GRIA4: variants seen among roughly 807,000 people sequenced by gnomAD.
GRIA4 encodes glutamate receptor 4.
Under a neutral mutation model 104.0 loss-of-function variants are expected in GRIA4, and 34 were observed. The ratio of observed to expected loss-of-function variants is 0.33; its 90% CI spans 0.25 to 0.44. The LOEUF (loss-of-function observed/expected upper bound fraction) is 0.44, where lower values mean the gene tolerates loss of function less well. Among genes scored for constraint, GRIA4 ranks in the 20% least tolerant of loss-of-function variants. The pLI, the probability that GRIA4 is intolerant of heterozygous loss-of-function variation, is 1.00. For missense variants in GRIA4, 750 were observed against 1,096.5 expected, an observed-to-expected ratio of 0.68 and a Z score of 4.46; for synonymous variants, 386 against 381.9, an observed-to-expected ratio of 1.01 and a Z score of -0.13.
intron 3 of GRIA4, among the ~76,000 whole-genome samples, chr11:105,750,119 C>A (rs938560105): frequency 2.6e-5 from 4 of 152,002 alleles, no homozygotes; most frequent in Admixed American, 6.6e-5. Flanking sequence ...AAGATTCAGC[C>A]AAGCAAAATT....
chr11:105,643,201 A>G (rs1247991026), intron 3 of GRIA4, among the ~76,000 whole-genome samples: 1 of 152,098 alleles, frequency 6.6e-6, no homozygotes, highest in East Asian at 1.9e-4. Flanking sequence ...ACCAAATCAA[A>G]CATCTCATAT....
intron 4 of GRIA4, among the ~76,000 whole-genome samples, chr11:105,819,885 C>A (rs1040139131): frequency 6.6e-6 from 1 of 151,974 alleles, no homozygotes; most frequent in African/African-American, 2.4e-5. Context: ...TAAGATGAAG[C>A]CATCCTGGAG....
chr11:105,845,221 G>A (rs1362640345), intron 4 of GRIA4, among the ~76,000 whole-genome samples: 1 of 152,158 alleles, frequency 6.6e-6, no homozygotes, highest in African/African-American at 2.4e-5. Context: ...ATGGCTGTCA[G>A]CTGGAACTTC....
At chr11:105,812,808 A>T (rs992819153) in intron 4 of GRIA4, among the ~76,000 whole-genome samples, 16 of 151,954 alleles carry the variant, frequency 1.1e-4, no homozygotes, top group Non-Finnish European at 1.6e-4. Flanking sequence ...CTTACTTAAA[A>T]GAAAGAAATT....
chr11:105,862,948 C>T (rs1254773497), intron 5 of GRIA4, among the ~76,000 whole-genome samples: 1 of 152,130 alleles, frequency 6.6e-6, no homozygotes, highest in Admixed American at 6.6e-5. Context: ...GGCTCTTTGG[C>T]CAAAATTGCA....
intron 5 of GRIA4, among the ~76,000 whole-genome samples, chr11:105,869,307 G>A (rs568021140): frequency 1.3e-5 from 2 of 152,190 alleles, no homozygotes; most frequent in Non-Finnish European, 2.9e-5. Flanking sequence ...GATGCTGCAA[G>A]AACACTTACT....
At chr11:105,924,205 G>T (rs1273826244) in intron 11 of GRIA4, among the ~76,000 whole-genome samples, 194 bp from the exon 12 acceptor site, 1 of 152,076 alleles carries the variant, frequency 6.6e-6, no homozygotes, top group African/African-American at 2.4e-5. Context: ...AATGTTTTGT[G>T]CAATTTAAGT....
chr11:105,844,208 C>A (rs562002412), intron 4 of GRIA4, among the ~76,000 whole-genome samples: 1 of 152,260 alleles, frequency 6.6e-6, no homozygotes, highest in East Asian at 1.9e-4. Context: ...ATGGATATAA[C>A]CTCCCCTTCC....
At chr11:105,754,139 T>C (rs1261549134) in intron 4 of GRIA4, among the ~76,000 whole-genome samples, 1 of 152,074 alleles carries the variant, frequency 6.6e-6, no homozygotes, top group Non-Finnish European at 1.5e-5. Flanking sequence ...CAAGCTCCCA[T>C]CTTGGAGCTA....
chr11:105,738,956 C>CA (rs928549908), intron 3 of GRIA4, among the ~76,000 whole-genome samples: 75 of 148,718 alleles, frequency 5.0e-4, no homozygotes, highest in East Asian at 1.6e-3. Context: ...AAAAAAAACC[C>CA]AAAAAAAAAC....
chr11:105,721,044 C>T (rs181932947), intron 3 of GRIA4, among the ~76,000 whole-genome samples: 193 of 152,144 alleles, frequency 1.3e-3, no homozygotes, highest in Non-Finnish European at 2.3e-3. Context: ...GGTTTTGGGT[C>T]CTTCTTCCTG....
intron 4 of GRIA4, among the ~76,000 whole-genome samples, chr11:105,842,189 G>T (rs889364583): frequency 1.3e-5 from 2 of 152,116 alleles, no homozygotes; most frequent in Admixed American, 1.3e-4. Context: ...AATGAAACCA[G>T]TTTGACCAGA....
chr11:105,893,222 G>A (rs1946518127), intron 6 of GRIA4, among the ~76,000 whole-genome samples: 1 of 152,030 alleles, frequency 6.6e-6, no homozygotes. Context: ...CTTAACCACT[G>A]ATTTCTTCCT....
chr11:105,763,319 G>T (rs1403014545), intron 4 of GRIA4, among the ~76,000 whole-genome samples: 1 of 152,106 alleles, frequency 6.6e-6, no homozygotes, highest in Admixed American at 6.6e-5. Context: ...GTATGGACGT[G>T]GAAGTTGGCG....
intron 14 of GRIA4, among the ~76,000 whole-genome samples, chr11:105,948,035 C>G (rs573338051): frequency 5.3e-5 from 8 of 152,174 alleles, no homozygotes; most frequent in Admixed American, 2.6e-4. Flanking sequence ...TGTGAGCCCC[C>G]ATGTATCTGA....
intron 4 of GRIA4, among the ~76,000 whole-genome samples, chr11:105,771,028 CCT>C (rs1485634151): frequency 1.3e-5 from 2 of 151,978 alleles, no homozygotes; most frequent in African/African-American, 4.8e-5. Flanking sequence ...AGTTTCTCCT[CCT>C]CCTCTGTCTA....
At chr11:105,736,857 A>C (rs931606634) in intron 3 of GRIA4, among the ~76,000 whole-genome samples, 7 of 152,130 alleles carry the variant, frequency 4.6e-5, no homozygotes, top group African/African-American at 1.4e-4. Context: ...GATTAAGATT[A>C]TAGTGATTAT....
intron 4 of GRIA4, among the ~76,000 whole-genome samples, chr11:105,840,863 T>C (rs1944368190): frequency 6.6e-6 from 1 of 152,356 alleles, no homozygotes; most frequent in Admixed American, 6.5e-5. Context: ...TTTTCATCTA[T>C]TATTAACCAA....
At chr11:105,678,683 A>T (rs1392479002) in intron 3 of GRIA4, among the ~76,000 whole-genome samples, 1 of 152,104 alleles carries the variant, frequency 6.6e-6, no homozygotes, top group Non-Finnish European at 1.5e-5. Flanking sequence ...AAAGCTTCTC[A>T]TTGAAATTGC....
Sources: allele counts gnomAD v4.1 joint callset (sites outside exome capture counted in the v4.1 genomes callset), GRCh38; gene constraint gnomAD v4.1.1; transcripts MANE v1.5; gene names NCBI Gene and HGNC (gene_info 2026-07-23, HGNC 2026-07-21).